The following MPDZ variants were observed in gnomAD, a reference collection of about 807,000 sequenced individuals.
MPDZ encodes multiple PDZ domain crumbs cell polarity complex component.
In MPDZ, 234 loss-of-function variants were observed where a neutral mutation model predicts 239.1. The ratio of observed to expected loss-of-function variants is 0.98; its 90% confidence interval spans 0.88 to 1.09. The LOEUF (loss-of-function observed/expected upper bound fraction) is 1.09, where lower values mean the gene tolerates loss of function less well. MPDZ is among the 50% of genes least tolerant of loss of function. The pLI, the probability that MPDZ is intolerant of heterozygous loss-of-function variation, is 0.00. For missense variants in MPDZ, 3,175 were observed against 2,510.0 expected, an observed-to-expected ratio of 1.26 and a Z score of -5.66; for synonymous variants, 1,048 against 881.3, an observed-to-expected ratio of 1.19 and a Z score of -3.35.
chr9:13,223,404 CCTG>C lies in MPDZ; in HGVS notation c.533+164_533+166del, dbSNP rs1326762556. ...TAAAAGCTACTCTCATTTCAAAGAA[CCTG>C]CTATTTTATCACAACAATGTTAATG... is the stretch of plus-strand genomic sequence containing the variant. On this transcript the variant is annotated intron_variant, in intron 5 of 46. Transcript: ENST00000319217. Among the ~76,000 whole-genome samples, 10 of 152,140 alleles carry C rather than the reference CCTG, an allele frequency of 6.6e-5. 1 individual carries two copies. The East Asian group carries it at 1.9e-3, about 30-fold the overall frequency.
chr9:13,247,540 T>G, intron 3 of MPDZ, 95 bp downstream of exon 3: 1 of 1,361,744 alleles, frequency 7.3e-7, no homozygotes, highest in East Asian at 2.4e-5. Flanking sequence ...AACTATTCAT[T>G]AACACATAGA....
In MPDZ at chr9:13,133,903, G is replaced by C. The variant is rs551565201; in HGVS notation, c.4385C>G (p.Thr1462Arg). The change falls in exon 32 of 47, where the codon ACA becomes AGA. Residue 1462 changes from threonine to arginine, a missense_variant and splice_region_variant. Coordinates refer to ENST00000319217, the MANE Select transcript of MPDZ (RefSeq NM_001378778.1). Reference sequence around the variant, plus strand: ...ATCAGAAGTAGTAACAGTTGGCTCTGTCTGACAGAGGGAAAGAAATGACAA... The same window carrying C: ...ATCAGAAGTAGTAACAGTTGGCTCTCTCTGACAGAGGGAAAGAAATGACAA... Reference protein sequence around the residue: ...SNSENLQNKETEPTVTTSDAA... With the variant: ...SNSENLQNKEREPTVTTSDAA... The C allele has an allele frequency of 3.9e-6, 6 of 1,522,546 alleles. No homozygotes were observed. The highest frequency in any genetic ancestry group is 5.3e-6 in the Non-Finnish European group (6 of 1,129,876). The allele number at this position is 1,522,546 out of a possible 1,614,324, so 94.3% of individuals were successfully genotyped here. A position where few individuals can be genotyped will look rare whatever the true frequency, so the allele number is the denominator to read the frequency against.
rs777690707 is a variant in MPDZ at position 13,193,326 on chromosome 9, A to G, written c.1657-13T>C. On this transcript the variant is annotated splice_polypyrimidine_tract_variant and intron_variant, in intron 13 of 46. Coordinates refer to ENST00000319217, the MANE Select transcript of MPDZ (RefSeq NM_001378778.1). Reference sequence around the variant, plus strand: ...TCACATGGGCCACCTGAAAAGAAAAAAAAAAAGATCACCACAATTTTTATA... The same window carrying G: ...TCACATGGGCCACCTGAAAAGAAAAGAAAAAAGATCACCACAATTTTTATA... 3.8e-6 allele frequency: 6 copies of G among 1,573,430 alleles called. No individual in the cohort carries two copies. In the South Asian group the frequency reaches 4.8e-5, roughly 13 times the overall value.
intron 22 of MPDZ, chr9:13,165,218 A>T: frequency 1.3e-6 from 1 of 761,946 alleles, no homozygotes; most frequent in South Asian, 2.2e-5. Flanking sequence ...TTATGTTCTT[A>T]CTTAAACAAA....
intron 1 of MPDZ, among the ~76,000 whole-genome samples, chr9:13,260,784 G>A (rs779213506): frequency 1.3e-5 from 2 of 152,146 alleles, no homozygotes; most frequent in Non-Finnish European, 2.9e-5. Flanking sequence ...ACCCTCATCA[G>A]AAGCAGAACC....
intron 21 of MPDZ, among the ~76,000 whole-genome samples, chr9:13,173,078 G>A (rs1248226820): frequency 6.6e-6 from 1 of 152,164 alleles, no homozygotes; most frequent in Non-Finnish European, 1.5e-5. Context: ...AATTCATAGA[G>A]ACAGAAAAAT....
At position 13,182,373 on chromosome 9, in the gene MPDZ, C is replaced by T. The variant is rs1953462345; in HGVS notation, c.2649+1045G>A. On this transcript the variant is annotated intron_variant, in intron 19 of 46. Coordinates refer to ENST00000319217, the MANE Select transcript of MPDZ (RefSeq NM_001378778.1). ...GCCATATTTTCATCAATCTCTCTTT[C>T]CTCATAATATGTTATAATGTATTAG... Among the ~76,000 whole-genome samples the T allele has an allele frequency of 2.0e-5, 3 of 152,030 alleles. No individual in the cohort carries two copies. In the South Asian group the frequency reaches 6.2e-4, roughly 32 times the overall value.
At position 13,271,444 on chromosome 9, in the gene MPDZ, C is replaced by A. The variant is rs552225694; in HGVS notation, c.-58+7956G>T. Among the ~76,000 whole-genome samples, 8 of 152,268 alleles carry A rather than the reference C, an allele frequency of 5.3e-5. No homozygotes were observed. In the South Asian group the frequency reaches 1.0e-3, roughly 20 times the overall value. On this transcript the variant is annotated intron_variant, in intron 1 of 46. Transcript: ENST00000319217. ...TGGCCCTTTCTGTGTAAAAGTAGAA[C>A]ACAAAATTCCCTTTGTAAATGTGAC...
intron 1 of MPDZ, among the ~76,000 whole-genome samples, chr9:13,260,151 T>G (rs146663252): frequency 2.0e-5 from 3 of 152,036 alleles, no homozygotes; most frequent in Non-Finnish European, 4.4e-5. Context: ...ATTAAAGAGT[T>G]TAGATTTAAT....
intron 1 of MPDZ, among the ~76,000 whole-genome samples, chr9:13,273,698 G>T (rs1037432738): frequency 6.6e-6 from 1 of 152,034 alleles, no homozygotes; most frequent in African/African-American, 2.4e-5. Flanking sequence ...GCAGAAGTAG[G>T]TGAAATTAAT....
chr9:13,227,128 AAT>A (rs1355063429), intron 3 of MPDZ, among the ~76,000 whole-genome samples: 2 of 152,152 alleles, frequency 1.3e-5, no homozygotes, highest in African/African-American at 4.8e-5. Context: ...AATATTTCAC[AAT>A]ATGTCACCAA....
At position 13,185,868 on chromosome 9, in the gene MPDZ, T is replaced by G. The variant is rs190736269; in HGVS notation, c.2481+402A>C. The stretch of plus-strand genomic sequence containing the variant: ...GAACCAATTTATATGATTCTCACAC[T>G]ATTAATATCTAATGGAAAAAAGATA... On this transcript the variant is annotated intron_variant, in intron 18 of 46. Coordinates refer to ENST00000319217, the MANE Select transcript of MPDZ (RefSeq NM_001378778.1). Among the ~76,000 whole-genome samples the G allele has an allele frequency of 3.0e-4, 45 of 152,252 alleles. 1 individual carries two copies. Among genetic ancestry groups the G allele is most frequent in the Admixed American group, 2.4e-3 (37 of 15,260 alleles).
At chr9:13,231,873 T>A (rs1962590491) in intron 3 of MPDZ, among the ~76,000 whole-genome samples, 1 of 151,960 alleles carries the variant, frequency 6.6e-6, no homozygotes, top group Non-Finnish European at 1.5e-5. Context: ...TCAAAGATAC[T>A]TAAAGAGGAA....
Position 13,125,244 on chromosome 9 carries a change from A to G in MPDZ, c.4779T>C (p.Ser1593=). The G allele has an allele frequency of 6.2e-7, 1 of 1,608,204 alleles. No individual in the cohort carries two copies. The highest frequency in any genetic ancestry group is 8.5e-7 in the Non-Finnish European group (1 of 1,175,970). ...GGATGGACTCCGGTTCTGGGGAGCCAGACTGTGGGACCATCAGAGACTGGG... is the reference window on the plus strand; with the variant it reads ...GGATGGACTCCGGTTCTGGGGAGCCGGACTGTGGGACCATCAGAGACTGGG... ...NSSQSLMVPQ[S]GSPEPESIRN... The change falls in exon 35 of 47, where the codon TCT becomes TCC. Residue 1593 remains serine (S), a synonymous_variant. Transcript: ENST00000319217.
At chr9:13,118,418 G>C (rs2131463609) in intron 39 of MPDZ, among the ~76,000 whole-genome samples, 1 of 152,266 alleles carries the variant, frequency 6.6e-6, no homozygotes, top group Admixed American at 6.5e-5. Flanking sequence ...TGAGAGGTGA[G>C]TAACAAGCAC....
At chr9:13,191,990 G>A in intron 15 of MPDZ, 141 bp downstream of exon 15, 1 of 686,492 alleles carries the variant, frequency 1.5e-6, no homozygotes, top group Non-Finnish European at 2.1e-6. Flanking sequence ...ACCCAGATTT[G>A]TCTGACTTTA....
At chr9:13,207,775 C>T (rs1054366555) in intron 10 of MPDZ, among the ~76,000 whole-genome samples, 5 of 152,268 alleles carry the variant, frequency 3.3e-5, no homozygotes, top group African/African-American at 9.6e-5. Flanking sequence ...GTCATCAAAA[C>T]ATGGTGCTGT....
intron 1 of MPDZ, among the ~76,000 whole-genome samples, chr9:13,253,787 G>A (rs943781313): frequency 6.6e-6 from 1 of 152,202 alleles, no homozygotes; most frequent in African/African-American, 2.4e-5. Context: ...GATATGGTAA[G>A]AAGGAGTTCA....
intron 42 of MPDZ, among the ~76,000 whole-genome samples, chr9:13,112,786 T>C (rs900505345): frequency 2.0e-5 from 3 of 152,204 alleles, no homozygotes; most frequent in African/African-American, 7.2e-5. Context: ...GTCAATTTTA[T>C]GCTATTTTCA....
Sources: gnomAD v4.1 joint callset for allele counts (sites outside exome capture counted in the v4.1 genomes callset) on GRCh38, gnomAD v4.1.1 for gene constraint, MANE v1.5 for transcripts, NCBI Gene and HGNC (gene_info 2026-07-23, HGNC 2026-07-21) for gene names.